CDH23: variants seen among roughly 807,000 people sequenced by gnomAD.
CDH23 encodes cadherin-23.
CDH23 carries 189 observed loss-of-function variants against 317.1 expected under a neutral mutation model. The observed-to-expected ratio is 0.60, with a 90% CI of 0.53 to 0.67. The LOEUF (loss-of-function observed/expected upper bound fraction) is 0.67, where lower values mean the gene tolerates loss of function less well. Among genes scored for constraint, CDH23 ranks in the 30% least tolerant of loss-of-function variants. The pLI is 0.00. For missense variants in CDH23, 4,401 were observed against 4,592.4 expected, an observed-to-expected ratio of 0.96 and a Z score of 1.20; for synonymous variants, 1,839 against 1,876.8, an observed-to-expected ratio of 0.98 and a Z score of 0.52.
At chr10:71,571,003 T>G (rs1589220198) in intron 8 of CDH23, 85 bp downstream of exon 8, 1 of 1,490,662 alleles carries the variant, frequency 6.7e-7, no homozygotes, top group East Asian at 2.3e-5. Flanking sequence ...GCCCTGTTAG[T>G]GGGCTGGGCT....
At chr10:71,780,075 G>A (rs949513385) in intron 41 of CDH23, among the ~76,000 whole-genome samples, 1 of 152,246 alleles carries the variant, frequency 6.6e-6, no homozygotes, top group Non-Finnish European at 1.5e-5. Context: ...CCTGCCAGTA[G>A]TAGCTGTGTC....
chr10:71,784,025 A>G lies in CDH23; in HGVS notation c.5369-262A>G, dbSNP rs374405883. Among the ~76,000 whole-genome samples the G allele has an allele frequency of 1.6e-4, 24 of 152,278 alleles. No individual in the cohort carries two copies. The East Asian group carries it at 4.2e-3, about 27-fold the overall frequency. Reference sequence around the variant, plus strand: ...TGGCCTGCCTGTGGCCCAGGGAAGGAAGCTGCTTGGTCTGGCACATGAGGG... The same window carrying G: ...TGGCCTGCCTGTGGCCCAGGGAAGGGAGCTGCTTGGTCTGGCACATGAGGG... On this transcript the variant is annotated intron_variant, in intron 41 of 69. Coordinates refer to ENST00000224721, the MANE Select transcript of CDH23 (RefSeq NM_022124.6).
At chr10:71,682,413 C>T (rs1194646939) in intron 17 of CDH23, 32 bp from the exon 18 acceptor site, 3 of 1,608,246 alleles carry the variant, frequency 1.9e-6, no homozygotes, top group Non-Finnish European at 2.5e-6. Context: ...AGTCTGCTTA[C>T]AGAGGGATCT....
chr10:71,755,363 G>A (rs777935388), intron 38 of CDH23: 1 of 1,608,378 alleles, frequency 6.2e-7, no homozygotes, highest in Non-Finnish European at 8.5e-7. Flanking sequence ...ACTCACGGCG[G>A]TTGGAGGCTG....
intron 15 of CDH23, among the ~76,000 whole-genome samples, chr10:71,675,412 A>G (rs1356740151): frequency 6.6e-6 from 1 of 152,190 alleles, no homozygotes; most frequent in Non-Finnish European, 1.5e-5. Flanking sequence ...GACCCTCAAA[A>G]GATAGCCTTT....
chr10:71,484,950 G>A (rs1417834222), intron 3 of CDH23, among the ~76,000 whole-genome samples: 1 of 151,458 alleles, frequency 6.6e-6, no homozygotes, highest in Non-Finnish European at 1.5e-5. Context: ...TTGGCTGCAA[G>A]TTACAGAAAA....
rs200233660 is a variant in CDH23 at position 71,759,882 on chromosome 10, C to T, written c.4846-17798C>T. Among the ~76,000 whole-genome samples, 27 of 63,814 alleles carry T rather than the reference C, an allele frequency of 4.2e-4. 4 individuals are homozygous for T. Among genetic ancestry groups the T allele is most frequent in the South Asian group, 1.1e-3 (2 of 1,886 alleles). The allele number at this position is 63,814 out of a possible 152,430, so 41.9% of individuals were successfully genotyped here. A position where few individuals can be genotyped will look rare whatever the true frequency, so the allele number is the denominator to read the frequency against. The stretch of plus-strand genomic sequence containing the variant: ...ACACACACATATATATACACACACA[C>T]ACATATACACACACACATATATACA... On this transcript the variant is annotated intron_variant, in intron 38 of 69. Transcript: ENST00000224721.
In CDH23 at chr10:71,740,728, G is replaced by A. The variant is rs1839710466; in HGVS notation, c.4489-94G>A. 3.1e-5 allele frequency: 48 copies of A among 1,546,344 alleles called. 2 individuals are homozygous for A. In the South Asian group the frequency reaches 5.7e-4, roughly 19 times the overall value. Reference sequence around the variant, plus strand: ...AGTGAGTCTCTTTGCCCTCCCAAATGCTCCCCACTGATTGCACAGCCCTTT... The same window carrying A: ...AGTGAGTCTCTTTGCCCTCCCAAATACTCCCCACTGATTGCACAGCCCTTT... On this transcript the variant is annotated intron_variant, in intron 36 of 69. Transcript: ENST00000224721.
chr10:71,673,898 G>A (rs746274727), intron 14 of CDH23, among the ~76,000 whole-genome samples: 6 of 152,212 alleles, frequency 3.9e-5, no homozygotes, highest in Non-Finnish European at 7.3e-5. Context: ...GTTGGAGGGT[G>A]GTGACATGGC....
At chr10:71,624,387 C>T (rs535464356) in intron 11 of CDH23, among the ~76,000 whole-genome samples, 99 of 152,346 alleles carry the variant, frequency 6.5e-4, no homozygotes, top group Middle Eastern at 3.4e-3. Context: ...ACTTGGTTTT[C>T]GTACTTTTGA....
intron 1 of CDH23, among the ~76,000 whole-genome samples, chr10:71,417,674 A>G (rs1848592090): frequency 1.3e-5 from 2 of 152,214 alleles, no homozygotes; most frequent in Non-Finnish European, 2.9e-5. Context: ...CAGTGGCACA[A>G]TCTCAGCTCA....
At chr10:71,543,475 G>T (rs1462511873) in intron 6 of CDH23, among the ~76,000 whole-genome samples, 1 of 152,194 alleles carries the variant, frequency 6.6e-6, no homozygotes, top group African/African-American at 2.4e-5. Context: ...TCCATATGCA[G>T]CCGATGCTGT....
intron 55 of CDH23, among the ~76,000 whole-genome samples, chr10:71,804,740 T>A (rs1488274282): frequency 6.6e-6 from 1 of 152,232 alleles, no homozygotes; most frequent in Non-Finnish European, 1.5e-5. Context: ...GCTTACACCT[T>A]GCTTCCCACC....
intron 6 of CDH23, among the ~76,000 whole-genome samples, chr10:71,561,973 T>G (rs181245028): frequency 3.0e-4 from 45 of 152,208 alleles, no homozygotes; most frequent in Admixed American, 1.1e-3. Context: ...GCTGCTCCTT[T>G]CCAGCAAGAA....
chr10:71,658,755 G>A (rs542264007), intron 14 of CDH23, among the ~76,000 whole-genome samples: 5 of 152,150 alleles, frequency 3.3e-5, no homozygotes, highest in Non-Finnish European at 7.4e-5. Context: ...CAGCCATGCC[G>A]GGATTCAGAC....
At chr10:71,562,289 G>A (rs1867993) in intron 6 of CDH23, among the ~76,000 whole-genome samples, 22,317 of 152,166 alleles carry the variant, frequency 0.15, 2,680 homozygotes, top group African/African-American at 0.33. Flanking sequence ...TCCCTTGCCC[G>A]TCCGGCCACC....
At chr10:71,514,135 G>A (rs954102677) in intron 6 of CDH23, among the ~76,000 whole-genome samples, 1 of 151,988 alleles carries the variant, frequency 6.6e-6, no homozygotes, top group Non-Finnish European at 1.5e-5. Flanking sequence ...AGAAGTAGGA[G>A]GACCACTTCT....
intron 3 of CDH23, among the ~76,000 whole-genome samples, chr10:71,449,840 G>A (rs967373281): frequency 2.6e-5 from 4 of 152,304 alleles, no homozygotes; most frequent in Non-Finnish European, 5.9e-5. Flanking sequence ...GCACAGCATG[G>A]CCATCTGAAA....
At chr10:71,672,611 G>C (rs1263992640) in intron 14 of CDH23, among the ~76,000 whole-genome samples, 1 of 152,194 alleles carries the variant, frequency 6.6e-6, no homozygotes, top group Non-Finnish European at 1.5e-5. Flanking sequence ...GAGGCCCTGG[G>C]GACAAGGGTC....
Sources: gnomAD v4.1 joint callset for allele counts (sites outside exome capture counted in the v4.1 genomes callset) on GRCh38, gnomAD v4.1.1 for gene constraint, MANE v1.5 for transcripts, NCBI Gene and HGNC (gene_info 2026-07-23, HGNC 2026-07-21) for gene names.